Variants in PRKN observed in about 807,000 individuals in gnomAD.
PRKN encodes E3 ubiquitin-protein ligase parkin.
PRKN carries 56 observed loss-of-function variants against 59.5 expected under a neutral mutation model. The ratio of observed to expected loss-of-function variants is 0.94; its 90% CI spans 0.76 to 1.18. The LOEUF (loss-of-function observed/expected upper bound fraction) is 1.18, where lower values mean the gene tolerates loss of function less well. Ranked by LOEUF, PRKN falls within the 50% of genes most tolerant of loss-of-function variation. PRKN has a pLI of 0.00. For missense variants in PRKN, 657 were observed against 596.4 expected (o/e 1.10, Z -1.06); for synonymous variants, 250 against 222.1 (o/e 1.13, Z -1.12).
chr6:162,533,403 C>T (rs751378076), intron 1 of PRKN, among the ~76,000 whole-genome samples: 1 of 152,100 alleles, frequency 6.6e-6, no homozygotes, highest in African/African-American at 2.4e-5. Flanking sequence ...TGGCAGGGGC[C>T]TGTAATCCCA....
At chr6:162,424,508 G>A (rs1789128462) in intron 2 of PRKN, among the ~76,000 whole-genome samples, 1 of 152,078 alleles carries the variant, frequency 6.6e-6, no homozygotes, top group African/African-American at 2.4e-5. Flanking sequence ...GGCCGAGGCA[G>A]GTGGATCACT....
chr6:162,567,904 G>C (rs959186354), intron 1 of PRKN, among the ~76,000 whole-genome samples: 1 of 152,108 alleles, frequency 6.6e-6, no homozygotes, highest in Non-Finnish European at 1.5e-5. Flanking sequence ...CATGGTACTG[G>C]CATAAAAACA....
At chr6:162,371,970 C>G (rs933380715) in intron 2 of PRKN, among the ~76,000 whole-genome samples, 7 of 152,154 alleles carry the variant, frequency 4.6e-5, no homozygotes, top group African/African-American at 1.7e-4. Flanking sequence ...TTTGCTCCAG[C>G]ACCTTCTTGA....
intron 1 of PRKN, among the ~76,000 whole-genome samples, chr6:162,646,394 T>A (rs1414485513): frequency 6.6e-6 from 1 of 152,076 alleles, no homozygotes; most frequent in African/African-American, 2.4e-5. Context: ...CACTTCAGCA[T>A]CCTGAGTAGC....
chr6:162,612,004 T>C (rs1034880666), intron 1 of PRKN, among the ~76,000 whole-genome samples: 2 of 149,278 alleles, frequency 1.3e-5, no homozygotes, highest in South Asian at 2.2e-4. Context: ...GCTAACACGG[T>C]GAAACCCCGT....
chr6:162,273,183 G>C (rs1780470714), intron 2 of PRKN, among the ~76,000 whole-genome samples: 1 of 151,910 alleles, frequency 6.6e-6, no homozygotes. Flanking sequence ...TTTTGTAAAA[G>C]GAAACGTAGA....
At chr6:162,611,996 T>C (rs893187830) in intron 1 of PRKN, among the ~76,000 whole-genome samples, 19 of 149,712 alleles carry the variant, frequency 1.3e-4, no homozygotes, top group East Asian at 6.0e-4. Context: ...CCATCCTGGC[T>C]AACACGGTGA....
At position 161,545,013 on chromosome 6, in the gene PRKN, G is replaced by C. The variant is rs992296409; in HGVS notation, c.1083+3841C>G. 1 of 297,616 alleles carries C rather than the reference G, an allele frequency of 3.4e-6. No homozygotes were observed. Among genetic ancestry groups the C allele is most frequent in the African/African-American group, 2.3e-5 (1 of 44,392 alleles). 18.4% of individuals were successfully genotyped at this position (297,616 alleles called of 1,614,324 possible). On this transcript the variant is annotated intron_variant, in intron 9 of 11. Transcript: ENST00000366898. This position sits in a 1 kb window ranked among gnomAD's most constrained non-coding sequence, Gnocchi z 4.1. ...CGGAAGACCACCCAGGTACATGGTC[G>C]TGGGTGAAATGACTAGAAGATTAGA...
intron 1 of PRKN, among the ~76,000 whole-genome samples, chr6:162,618,561 C>T (rs978313935): frequency 3.3e-5 from 5 of 152,108 alleles, no homozygotes; most frequent in Non-Finnish European, 7.4e-5. Flanking sequence ...TTCGTGAGTA[C>T]GCTCTGAATC....
Position 162,148,667 on chromosome 6 carries a change from C to CTTTT in PRKN, c.534+52463_534+52464insAAAA, listed in dbSNP as rs1329616114. ...AAAAAAGCCTAAAATAAAGGAATAACATCTAAGCAAAGGCCTGAAAGAAAA... is the reference window on the plus strand; with the variant it reads ...AAAAAAGCCTAAAATAAAGGAATAACTTTTATCTAAGCAAAGGCCTGAAAGAAAA... On this transcript the variant is annotated intron_variant, in intron 4 of 11. Transcript: ENST00000366898. 9.2e-5 allele frequency among the ~76,000 whole-genome samples: 14 copies of CTTTT among 152,034 alleles called. No individual in the cohort carries two copies. In the East Asian group the frequency reaches 1.9e-3, roughly 21 times the overall value.
chr6:162,351,475 A>G (rs1784623088), intron 2 of PRKN, among the ~76,000 whole-genome samples: 1 of 152,166 alleles, frequency 6.6e-6, no homozygotes. Context: ...GAATTCATCT[A>G]TGTTTCTGGT....
intron 7 of PRKN, among the ~76,000 whole-genome samples, chr6:161,706,547 A>G (rs1786504818): frequency 6.6e-6 from 1 of 152,170 alleles, no homozygotes; most frequent in South Asian, 2.1e-4. Context: ...AACGAAAGAC[A>G]AGGAGAGAAA....
intron 2 of PRKN, among the ~76,000 whole-genome samples, chr6:162,360,882 A>G (rs914156164): frequency 1.3e-5 from 2 of 152,208 alleles, no homozygotes; most frequent in African/African-American, 4.8e-5. Context: ...GGATAAAGGA[A>G]CTGGCCTTTG....
chr6:162,646,123 C>T (rs1005616770), intron 1 of PRKN, among the ~76,000 whole-genome samples: 4 of 151,966 alleles, frequency 2.6e-5, no homozygotes, highest in African/African-American at 7.2e-5. Context: ...CCGCCCGCCT[C>T]GGCCTCCCAA....
chr6:161,662,026 C>T (rs964765766), intron 7 of PRKN, among the ~76,000 whole-genome samples: 1 of 151,574 alleles, frequency 6.6e-6, no homozygotes, highest in African/African-American at 2.4e-5. Flanking sequence ...CTGTCTCAAA[C>T]AAACAAACAA....
chr6:161,733,792 ATATATGT>A (rs1787835443), intron 7 of PRKN, among the ~76,000 whole-genome samples: 1 of 71,164 alleles, frequency 1.4e-5, no homozygotes. Flanking sequence ...AAATATATAT[ATATATGT>A]ATATATATAT....
intron 6 of PRKN, among the ~76,000 whole-genome samples, chr6:161,802,552 C>T (rs1047941043): frequency 2.6e-5 from 4 of 152,060 alleles, no homozygotes; most frequent in Non-Finnish European, 4.4e-5. Flanking sequence ...TCCTCCTGTG[C>T]GAGCGTGCTT....
chr6:161,812,595 T>G (rs1386550380), intron 6 of PRKN, among the ~76,000 whole-genome samples: 1 of 152,090 alleles, frequency 6.6e-6, no homozygotes, highest in Non-Finnish European at 1.5e-5. Flanking sequence ...GATGCCACAG[T>G]AAAGAAGATA....
intron 4 of PRKN, among the ~76,000 whole-genome samples, chr6:162,189,147 G>C (rs1378208538): frequency 2.0e-5 from 3 of 151,662 alleles, no homozygotes; most frequent in Admixed American, 6.6e-5. Flanking sequence ...CTATAGGAGG[G>C]AATTGAGATT....
Sources: gnomAD v4.1 joint callset for allele counts (sites outside exome capture counted in the v4.1 genomes callset) on GRCh38, gnomAD v4.1.1 for gene constraint, Gnocchi (gnomAD v3.1) non-coding constraint, MANE v1.5 for transcripts, NCBI Gene and HGNC (gene_info 2026-07-23, HGNC 2026-07-21) for gene names.